Variants in C1orf87 observed in about 807,000 individuals in gnomAD.
C1orf87 encodes chromosome 1 open reading frame 87, also known as uncharacterized protein C1orf87.
In C1orf87, 58 loss-of-function variants were observed where a neutral mutation model predicts 60.5. The observed-to-expected ratio is 0.96, with a 90% CI of 0.78 to 1.19. The LOEUF is 1.19. Among genes scored for constraint, C1orf87 ranks in the 50% most tolerant of loss-of-function variants. The probability of loss-of-function intolerance (pLI) is 0.00; values close to 1 mark genes in which losing one functional copy is unlikely to be tolerated. For synonymous variants in C1orf87, 236 were observed against 227.4 expected, an observed-to-expected ratio of 1.04 and a Z score of -0.34; for missense variants, 673 against 638.6, an observed-to-expected ratio of 1.05 and a Z score of -0.58.
In C1orf87 at chr1:60,006,585, G is replaced by A. The variant is rs528285917; in HGVS notation, c.1192+3807C>T. On this transcript the variant is annotated intron_variant, in intron 9 of 11. Coordinates refer to ENST00000371201, the MANE Select transcript of C1orf87 (RefSeq NM_152377.3). ...TTGTCAGCAGTCATACTGGAACTCT[G>A]CTCTTTGCTTTCTGCATCCTCTTCT... Among the ~76,000 whole-genome samples, 30 of 149,780 alleles carry A rather than the reference G, an allele frequency of 2.0e-4. No individual in the cohort carries two copies. The East Asian group carries it at 2.3e-3, about 12-fold the overall frequency.
At chr1:60,044,399 G>C (rs1400797085) in intron 3 of C1orf87, among the ~76,000 whole-genome samples, 3 of 152,222 alleles carry the variant, frequency 2.0e-5, no homozygotes, top group Non-Finnish European at 2.9e-5. Context: ...ATGCTGTGAA[G>C]AATGAGTGTT....
intron 8 of C1orf87, among the ~76,000 whole-genome samples, chr1:60,012,513 C>T (rs1381563276): frequency 1.3e-5 from 2 of 152,074 alleles, no homozygotes; most frequent in Admixed American, 1.3e-4. Flanking sequence ...CTTTACATTA[C>T]CCCCAAGACC....
chr1:60,006,531 G>A (rs891890170), intron 9 of C1orf87, among the ~76,000 whole-genome samples: 3 of 151,928 alleles, frequency 2.0e-5, no homozygotes, highest in Non-Finnish European at 2.9e-5. Context: ...AGCCTCTTAC[G>A]CTACTCCTCA....
At chr1:60,010,364 T>C (rs746843036) in intron 9 of C1orf87, 28 bp downstream of exon 9, 1 of 1,600,042 alleles carries the variant, frequency 6.2e-7, no homozygotes, top group Non-Finnish European at 8.6e-7. Context: ...GGAAGGTCTC[T>C]CTGGAGCAAA....
At chr1:59,994,322 T>A (rs1644948484) in intron 11 of C1orf87, among the ~76,000 whole-genome samples, 1 of 151,892 alleles carries the variant, frequency 6.6e-6, no homozygotes, top group Admixed American at 6.6e-5. Context: ...GTCATGGGAC[T>A]GGGTGTAGTG....
At chr1:60,016,818 G>A (rs1157462542) in intron 8 of C1orf87, among the ~76,000 whole-genome samples, 1 of 152,160 alleles carries the variant, frequency 6.6e-6, no homozygotes, top group Non-Finnish European at 1.5e-5. Context: ...ATGCCTCCTG[G>A]GTCCTGGAAG....
intron 9 of C1orf87, among the ~76,000 whole-genome samples, chr1:60,006,973 A>G (rs1645051457): frequency 6.6e-6 from 1 of 151,652 alleles, no homozygotes; most frequent in South Asian, 2.1e-4. Flanking sequence ...GTGTAGTGGC[A>G]TAACCAGAGC....
intron 10 of C1orf87, among the ~76,000 whole-genome samples, chr1:60,000,041 A>G (rs2100240273): frequency 6.6e-6 from 1 of 152,288 alleles, no homozygotes; most frequent in East Asian, 1.9e-4. Flanking sequence ...TACCTCTACC[A>G]GAGATCCAGA....
chr1:60,054,161 A>G (rs1210631013), intron 3 of C1orf87, among the ~76,000 whole-genome samples: 3 of 152,218 alleles, frequency 2.0e-5, no homozygotes, highest in Non-Finnish European at 4.4e-5. Flanking sequence ...ACCAAGGCCT[A>G]AATTCAAGGA....
chr1:59,997,453 G>A (rs55764016), intron 11 of C1orf87, among the ~76,000 whole-genome samples, 156 bp downstream of exon 11: 8,361 of 152,176 alleles, frequency 0.055, 299 homozygotes, highest in Middle Eastern at 0.17. Flanking sequence ...TGTCTGATTC[G>A]TCTTCATATT....
At chr1:60,066,377 A>G (rs1459708078) in intron 2 of C1orf87, among the ~76,000 whole-genome samples, 9 of 152,180 alleles carry the variant, frequency 5.9e-5, no homozygotes, top group Non-Finnish European at 1.0e-4. Flanking sequence ...TTTGTTGTCA[A>G]TTCAACAATG....
intron 2 of C1orf87, among the ~76,000 whole-genome samples, chr1:60,058,550 T>C (rs1465433581): frequency 6.6e-6 from 1 of 152,210 alleles, no homozygotes; most frequent in African/African-American, 2.4e-5. Context: ...TGCTGAACAT[T>C]TAACATGACA....
intron 8 of C1orf87, among the ~76,000 whole-genome samples, chr1:60,012,829 G>C (rs771581541): frequency 2.6e-5 from 4 of 152,102 alleles, no homozygotes; most frequent in African/African-American, 4.8e-5. Context: ...AAGGCACATG[G>C]ATCAATGGGA....
At chr1:60,031,022 T>A (rs1238651494) in intron 7 of C1orf87, among the ~76,000 whole-genome samples, 3 of 151,048 alleles carry the variant, frequency 2.0e-5, no homozygotes, top group Admixed American at 6.6e-5. Flanking sequence ...TGCTTTTAAA[T>A]TTTTTTTTTA....
At chr1:60,037,362 T>C (rs1368232274) in intron 6 of C1orf87, among the ~76,000 whole-genome samples, 1 of 152,218 alleles carries the variant, frequency 6.6e-6, no homozygotes, top group East Asian at 1.9e-4. Flanking sequence ...GCTGCTATAA[T>C]AGAATATCTG....
At chr1:60,019,372 A>G (rs1214113971) in intron 8 of C1orf87, among the ~76,000 whole-genome samples, 1 of 152,182 alleles carries the variant, frequency 6.6e-6, no homozygotes, top group African/African-American at 2.4e-5. Flanking sequence ...TTAAGCCTAT[A>G]AATCTGTAAG....
chr1:60,072,688 T>C lies in C1orf87; in HGVS notation c.-27-18A>G. ...TCAGATCCCTAGGGGTGAAAATAAG[T>C]AAATTGTTCCTCTTGATTTTCCATT... On this transcript the variant is annotated intron_variant, in intron 1 of 11. Transcript: ENST00000371201. 7.3e-7 allele frequency: 1 copy of C among 1,361,710 alleles called. No individual in the cohort carries two copies. The highest frequency in any genetic ancestry group is 1.0e-6 in the Non-Finnish European group (1 of 975,586). 84.4% of individuals were successfully genotyped at this position (1,361,710 alleles called of 1,614,324 possible).
In C1orf87 at chr1:60,041,265, C is replaced by G. The variant is rs113384693; in HGVS notation, c.343-134G>C. 6.5e-6 allele frequency: 5 copies of G among 764,326 alleles called. No individual in the cohort carries two copies. In the African/African-American group the frequency reaches 7.1e-5, roughly 11 times the overall value. The allele number at this position is 764,326 out of a possible 1,614,324, so 47.3% of individuals were successfully genotyped here. A position where few individuals can be genotyped will look rare whatever the true frequency, so the allele number is the denominator to read the frequency against. ...TCCCAGTTCTAAATGAACTTTAGCC[C>G]ATGTATCATTGAGTCATTGAATCGT... On this transcript the variant is annotated intron_variant, in intron 3 of 11. Transcript: ENST00000371201.
intron 11 of C1orf87, among the ~76,000 whole-genome samples, chr1:59,994,972 T>G (rs1644953457): frequency 6.6e-6 from 1 of 152,216 alleles, no homozygotes; most frequent in African/African-American, 2.4e-5. Flanking sequence ...TTGTAGATTT[T>G]CCCAGATCTG....
Sources: gnomAD v4.1 joint callset for allele counts (sites outside exome capture counted in the v4.1 genomes callset) on GRCh38, gnomAD v4.1.1 for gene constraint, MANE v1.5 for transcripts, NCBI Gene and HGNC (gene_info 2026-07-23, HGNC 2026-07-21) for gene names.